Variants in TFAP2B observed in about 807,000 individuals in gnomAD.
TFAP2B encodes the protein transcription factor AP-2 beta.
In TFAP2B, 9 loss-of-function variants were observed where a neutral mutation model predicts 44.3. The observed-to-expected ratio is 0.20, with a 90% CI of 0.12 to 0.35. The LOEUF is 0.35. Ranked by LOEUF, TFAP2B falls within the 10% of genes least tolerant of loss-of-function variation. TFAP2B has a pLI of 1.00. For synonymous variants in TFAP2B, 270 were observed against 263.8 expected (o/e 1.02, Z -0.23); for missense variants, 509 against 600.0 (o/e 0.85, Z 1.59).
intron 2 of TFAP2B, among the ~76,000 whole-genome samples, chr6:50,826,854 C>T (rs1770523347): frequency 1.3e-5 from 2 of 152,142 alleles, no homozygotes; most frequent in Admixed American, 6.5e-5. Context: ...AAAGCAACCC[C>T]TGGTATCACT....
intron 3 of TFAP2B, among the ~76,000 whole-genome samples, chr6:50,833,645 C>T (rs1376589410): frequency 6.6e-6 from 1 of 152,146 alleles, no homozygotes; most frequent in Non-Finnish European, 1.5e-5. Context: ...CAACCCATGG[C>T]AGGGAGCAAT....
At chr6:50,823,953 T>G in intron 2 of TFAP2B, 88 bp downstream of exon 2, 3 of 1,382,202 alleles carry the variant, frequency 2.2e-6, no homozygotes, top group Non-Finnish European at 3.0e-6. Context: ...AGGGCAGCTC[T>G]GTCTCTTTTT....
At chr6:50,836,483 T>C (rs1187263702) in intron 4 of TFAP2B, among the ~76,000 whole-genome samples, 1 of 152,160 alleles carries the variant, frequency 6.6e-6, no homozygotes, top group African/African-American at 2.4e-5. Flanking sequence ...GCCCACAAAC[T>C]CTAGTGTCCT....
chr6:50,841,706 C>A (rs1331969652), intron 6 of TFAP2B, among the ~76,000 whole-genome samples: 1 of 152,064 alleles, frequency 6.6e-6, no homozygotes, highest in African/African-American at 2.4e-5. Flanking sequence ...GAGGTGGGGG[C>A]CTGGGAGTGT....
intron 5 of TFAP2B, 32 bp from the exon 6 acceptor site, chr6:50,840,124 C>A: frequency 6.2e-7 from 1 of 1,613,254 alleles, no homozygotes; most frequent in Non-Finnish European, 8.5e-7. Flanking sequence ...GGCCTGGGTG[C>A]TGATTATTAC....
At position 50,818,966 on chromosome 6, in the gene TFAP2B, C is replaced by G. The variant is rs148262187; in HGVS notation, c.75C>G (p.Ile25Met). ...TGGAGAATGTCAAGTACGAAGATAT[C>G]TATGAGGTGAGTCGACACCCCCAGA... Reference protein sequence around the residue: ...KLVENVKYEDIYEDRHDGVPS... With the variant: ...KLVENVKYEDMYEDRHDGVPS... The change falls in exon 1 of 7, where the codon ATC becomes ATG. Residue 25 changes from isoleucine (I) to methionine (M), a missense_variant. Ile to Met is a conservative substitution (Grantham distance 10). Coordinates refer to ENST00000393655, the MANE Select transcript of TFAP2B (RefSeq NM_003221.4). The G allele has an allele frequency of 5.6e-6, 9 of 1,613,956 alleles. No individual in the cohort carries two copies. Among genetic ancestry groups the G allele is most frequent in the Non-Finnish European group, 7.6e-6 (9 of 1,180,004 alleles).
intron 6 of TFAP2B, among the ~76,000 whole-genome samples, chr6:50,842,350 A>T (rs1342338430): frequency 6.6e-6 from 1 of 152,340 alleles, no homozygotes; most frequent in African/African-American, 2.4e-5. Context: ...AGGAAATAAA[A>T]ACCTTCAACA....
At chr6:50,833,291 A>C (rs151023190) in intron 3 of TFAP2B, among the ~76,000 whole-genome samples, 1 of 152,216 alleles carries the variant, frequency 6.6e-6, no homozygotes, top group Non-Finnish European at 1.5e-5. Flanking sequence ...AATCAGGTGA[A>C]CTAAGCAGGT....
chr6:50,840,094 C>T (rs1194413383), intron 5 of TFAP2B, 62 bp from the exon 6 acceptor site: 1 of 1,605,572 alleles, frequency 6.2e-7, no homozygotes, highest in Non-Finnish European at 8.5e-7. Flanking sequence ...AAGGGAATGT[C>T]TCCGCCCTGG....
chr6:50,835,943 C>T (rs1296131229), intron 3 of TFAP2B, 118 bp from the exon 4 acceptor site: 7 of 861,386 alleles, frequency 8.1e-6, no homozygotes, highest in Non-Finnish European at 1.4e-5. Flanking sequence ...TAAACACTTC[C>T]TCCCTCAGCT....
At chr6:50,830,537 A>C (rs1770644680) in intron 3 of TFAP2B, among the ~76,000 whole-genome samples, 1 of 152,244 alleles carries the variant, frequency 6.6e-6, no homozygotes, top group Admixed American at 6.5e-5. Context: ...TTTTTAAAAA[A>C]TGTGCAGCTT....
At position 50,843,839 on chromosome 6, in the gene TFAP2B, G is replaced by A. The variant is rs1338296423; in HGVS notation, c.*447G>A. 1 of 164,272 alleles carries A rather than the reference G, an allele frequency of 6.1e-6. No individual in the cohort carries two copies. 10.2% of individuals were successfully genotyped at this position (164,272 alleles called of 1,614,324 possible). On this transcript the variant is annotated 3_prime_UTR_variant, in exon 7 of 7. Coordinates refer to ENST00000393655, the MANE Select transcript of TFAP2B (RefSeq NM_003221.4). The stretch of plus-strand genomic sequence containing the variant: ...CTTTTTAATTTTAAATATATTTTTA[G>A]GAAACTCTCGCAGTCCCCGCCCTCC...
chr6:50,843,124 C>T lies in TFAP2B; in HGVS notation c.1115C>T (p.Ala372Val), dbSNP rs761796095. ...QLCKEFTDLLAQDRTPIGNSR... is the reference protein window; with the variant it reads ...QLCKEFTDLLVQDRTPIGNSR... ...TGTAAAGAATTTACGGATCTACTGG[C>T]GCAGGACCGGACACCGATAGGGAAC... The change falls in exon 7 of 7, where the codon GCG becomes GTG. Residue 372 changes from alanine to valine, a missense_variant. Ala to Val is a moderately conservative substitution (Grantham distance 64). Transcript: ENST00000393655. 2 of 1,614,244 alleles carry T rather than the reference C, an allele frequency of 1.2e-6. No individual in the cohort carries two copies. The highest frequency in any genetic ancestry group is 2.2e-5 in the South Asian group (2 of 91,088).
At chr6:50,818,527 G>C (rs1581802150), upstream of TFAP2B, among the ~76,000 whole-genome samples, 1 of 152,172 alleles carries the variant, frequency 6.6e-6, no homozygotes, top group Non-Finnish European at 1.5e-5. Context: ...TTTCGATATA[G>C]AAGTTATAAA....
intron 3 of TFAP2B, among the ~76,000 whole-genome samples, chr6:50,831,095 T>C (rs754663733): frequency 1.3e-5 from 2 of 152,234 alleles, no homozygotes; most frequent in Admixed American, 6.5e-5. Context: ...TCTCCAGTTA[T>C]GGTAAGGCCC....
intron 3 of TFAP2B, among the ~76,000 whole-genome samples, chr6:50,834,873 G>A (rs1561963498): frequency 6.6e-6 from 1 of 152,196 alleles, no homozygotes; most frequent in Non-Finnish European, 1.5e-5. Flanking sequence ...CCCAGTGGAA[G>A]AAGCAAAGTT....
chr6:50,838,337 C>A (rs560613029), intron 5 of TFAP2B, among the ~76,000 whole-genome samples: 2 of 152,266 alleles, frequency 1.3e-5, no homozygotes, highest in African/African-American at 4.8e-5. Flanking sequence ...TCAGGTCCAG[C>A]CTCCAAGACA....
chr6:50,843,423 T>C lies in TFAP2B; in HGVS notation c.*31T>C, dbSNP rs1762774995. On this transcript the variant is annotated 3_prime_UTR_variant, in exon 7 of 7. Transcript: ENST00000393655. Reference sequence around the variant, plus strand: ...TTTTAAAAAAAGAAGGAAAAATGTTTTAAATACAAAAGGAAAAACAGACAA... The same window carrying C: ...TTTTAAAAAAAGAAGGAAAAATGTTCTAAATACAAAAGGAAAAACAGACAA... The C allele has an allele frequency of 6.3e-7, 1 of 1,597,850 alleles. No individual in the cohort carries two copies. The highest frequency in any genetic ancestry group is 1.4e-5 in the African/African-American group (1 of 73,664).
chr6:50,835,205 A>T (rs959689757), intron 3 of TFAP2B, among the ~76,000 whole-genome samples: 3 of 152,248 alleles, frequency 2.0e-5, no homozygotes, highest in Non-Finnish European at 2.9e-5. Flanking sequence ...TGCCGAAAAG[A>T]AACAACTGGG....
Sources: allele counts gnomAD v4.1 joint callset (sites outside exome capture counted in the v4.1 genomes callset), GRCh38; gene constraint gnomAD v4.1.1; transcripts MANE v1.5; gene names NCBI Gene and HGNC (gene_info 2026-07-23, HGNC 2026-07-21).